The following RGS7 variants were observed in gnomAD, a reference collection of about 807,000 sequenced individuals.
RGS7 encodes regulator of G-protein signaling 7.
Under a neutral mutation model 81.1 loss-of-function variants are expected in RGS7, and 27 were observed. The ratio of observed to expected loss-of-function variants is 0.33; its 90% CI spans 0.25 to 0.46. The LOEUF is 0.46. RGS7 is among the 20% of genes least tolerant of loss of function. The pLI, the probability that RGS7 is intolerant of heterozygous loss-of-function variation, is 1.00. For synonymous variants in RGS7, 208 were observed against 207.7 expected, an observed-to-expected ratio of 1.00 and a Z score of -0.01; for missense variants, 396 against 607.4, an observed-to-expected ratio of 0.65 and a Z score of 3.66.
chr1:241,043,143 T>C (rs1024265362), intron 3 of RGS7, among the ~76,000 whole-genome samples: 1 of 152,158 alleles, frequency 6.6e-6, no homozygotes, highest in Non-Finnish European at 1.5e-5. Context: ...GAAATTATTA[T>C]CACTTTCCAG....
chr1:241,068,890 C>G (rs1180597512), intron 3 of RGS7, among the ~76,000 whole-genome samples: 1 of 152,102 alleles, frequency 6.6e-6, no homozygotes, highest in Non-Finnish European at 1.5e-5. Flanking sequence ...GTATCATCCC[C>G]TTGGTACTGT....
At chr1:241,063,121 G>A (rs1336572723) in intron 3 of RGS7, among the ~76,000 whole-genome samples, 1 of 152,170 alleles carries the variant, frequency 6.6e-6, no homozygotes, top group African/African-American at 2.4e-5. Flanking sequence ...CAGAAAATAA[G>A]CTCAGGGTAG....
chr1:241,350,381 C>T (rs1269978945), intron 2 of RGS7, among the ~76,000 whole-genome samples: 1 of 152,190 alleles, frequency 6.6e-6, no homozygotes, highest in Non-Finnish European at 1.5e-5. Context: ...ACAAAAGACA[C>T]TCCATTTAAA....
intron 9 of RGS7, among the ~76,000 whole-genome samples, chr1:240,867,996 A>AC (rs1663631073): frequency 7.6e-6 from 1 of 131,014 alleles, no homozygotes; most frequent in Non-Finnish European, 1.8e-5. Flanking sequence ...GCCAGATCCC[A>AC]TAAAAAAAGA....
chr1:240,931,026 C>A (rs1675354074), intron 5 of RGS7, among the ~76,000 whole-genome samples: 1 of 151,940 alleles, frequency 6.6e-6, no homozygotes, highest in East Asian at 1.9e-4. Context: ...AATTTTACAC[C>A]AACTGACATA....
chr1:240,790,973 G>A (rs1300033438), intron 18 of RGS7, among the ~76,000 whole-genome samples: 1 of 152,160 alleles, frequency 6.6e-6, no homozygotes, highest in Admixed American at 6.5e-5. Flanking sequence ...GAACAGTGTT[G>A]ATAATAGGGA....
chr1:241,252,189 G>A (rs1409665312), intron 2 of RGS7, among the ~76,000 whole-genome samples: 7 of 151,674 alleles, frequency 4.6e-5, no homozygotes, highest in South Asian at 2.1e-4. Context: ...GATTACAGGC[G>A]CCCACCACCA....
intron 3 of RGS7, among the ~76,000 whole-genome samples, chr1:241,035,227 C>T (rs1458147709): frequency 6.6e-6 from 1 of 152,084 alleles, no homozygotes. Context: ...CGAAAATGCT[C>T]TGAAATCAAG....
chr1:240,786,605 C>T (rs530387361), intron 18 of RGS7, among the ~76,000 whole-genome samples: 1 of 152,282 alleles, frequency 6.6e-6, no homozygotes, highest in South Asian at 2.1e-4. Context: ...TATATGTACA[C>T]ACACACATAT....
chr1:241,162,345 G>A (rs749085999), intron 2 of RGS7, among the ~76,000 whole-genome samples: 1 of 152,076 alleles, frequency 6.6e-6, no homozygotes, highest in African/African-American at 2.4e-5. Flanking sequence ...AGGGAAAAAC[G>A]CCTCAAGTGA....
At chr1:240,906,375 G>A (rs1344235475) in intron 6 of RGS7, among the ~76,000 whole-genome samples, 1 of 152,080 alleles carries the variant, frequency 6.6e-6, no homozygotes, top group Admixed American at 6.6e-5. Context: ...ATTCCCAGAC[G>A]TCCCTCTTGA....
At chr1:240,857,658 C>A (rs1661389196) in intron 9 of RGS7, among the ~76,000 whole-genome samples, 1 of 152,062 alleles carries the variant, frequency 6.6e-6, no homozygotes, top group Non-Finnish European at 1.5e-5. Flanking sequence ...TGGTTTCTTT[C>A]ATTTGTACGA....
chr1:240,978,931 A>C (rs951822747), intron 4 of RGS7, among the ~76,000 whole-genome samples: 1 of 152,180 alleles, frequency 6.6e-6, no homozygotes, highest in African/African-American at 2.4e-5. Flanking sequence ...AACAGAAAAA[A>C]ATTTTCTTCA....
At chr1:241,321,446 T>C (rs1390955762) in intron 2 of RGS7, among the ~76,000 whole-genome samples, 4 of 152,198 alleles carry the variant, frequency 2.6e-5, no homozygotes, top group Admixed American at 2.6e-4. Flanking sequence ...TCGGGCTCTA[T>C]GCACTCCCAC....
chr1:241,178,575 C>T (rs372534930), intron 2 of RGS7, among the ~76,000 whole-genome samples: 1 of 152,240 alleles, frequency 6.6e-6, no homozygotes. Flanking sequence ...TACAAGAACA[C>T]AGAAGCCAAG....
intron 3 of RGS7, among the ~76,000 whole-genome samples, chr1:241,030,146 G>A (rs965708308): frequency 6.6e-6 from 1 of 152,042 alleles, no homozygotes; most frequent in Non-Finnish European, 1.5e-5. Flanking sequence ...GAATAAGCTA[G>A]GTGTAGGTTT....
chr1:240,978,361 T>C (rs1221723566), intron 4 of RGS7, among the ~76,000 whole-genome samples: 2 of 152,120 alleles, frequency 1.3e-5, no homozygotes, highest in Non-Finnish European at 2.9e-5. Context: ...AATAAAGCAA[T>C]CAATGAAACA....
intron 3 of RGS7, among the ~76,000 whole-genome samples, chr1:241,078,815 C>A (rs1461655364): frequency 1.3e-5 from 2 of 152,070 alleles, no homozygotes; most frequent in Non-Finnish European, 2.9e-5. Flanking sequence ...AAAACACTTT[C>A]ACAATCATAT....
chr1:241,166,899 C>T (rs903041435), intron 2 of RGS7, among the ~76,000 whole-genome samples: 8 of 152,126 alleles, frequency 5.3e-5, no homozygotes, highest in Admixed American at 3.3e-4. Context: ...TGGAGTAAAC[C>T]CCATATTCTC....
Sources: allele counts gnomAD v4.1 joint callset (sites outside exome capture counted in the v4.1 genomes callset), GRCh38; gene constraint gnomAD v4.1.1; transcripts MANE v1.5; gene names NCBI Gene and HGNC (gene_info 2026-07-23, HGNC 2026-07-21).